The following KIN variants were observed in gnomAD, a reference collection of about 807,000 sequenced individuals.
KIN encodes the protein Kin17 DNA and RNA binding protein, also known as DNA/RNA-binding protein KIN17.
In KIN, 47 loss-of-function variants were observed where a neutral mutation model predicts 63.0. That is an observed-to-expected ratio of 0.75 (90% CI 0.59 to 0.95). The LOEUF (loss-of-function observed/expected upper bound fraction) is 0.95. Ranked by LOEUF, KIN falls within the 40% of genes least tolerant of loss-of-function variation. The pLI, the probability that KIN is intolerant of heterozygous loss-of-function variation, is 0.00. For synonymous variants in KIN, 160 were observed against 157.7 expected, an observed-to-expected ratio of 1.01 and a Z score of -0.11; for missense variants, 408 against 460.9, an observed-to-expected ratio of 0.89 and a Z score of 1.05.
At chr10:7,781,750 C>CAA (rs34969604) in intron 2 of KIN, among the ~76,000 whole-genome samples, 7,864 of 67,802 alleles carry the variant, frequency 0.12, 593 homozygotes, top group East Asian at 0.19. Context: ...AAGACCCTGT[C>CAA]AAAAAAAAAA....
intron 11 of KIN, chr10:7,761,409 G>C (rs938532186): frequency 2.0e-5 from 3 of 152,266 alleles, no homozygotes; most frequent in East Asian, 3.9e-4. Context: ...AGTAGTGTTT[G>C]TACTCAGATA....
Position 7,764,873 on chromosome 10 carries a change from C to T in KIN, c.850-1082G>A, listed in dbSNP as rs796837443. ...CCTTTCTGAGTTTAAAAACTAGGCA[C>T]AGTGGGCCGGGCGCGGTGGCTCACG... On this transcript the variant is annotated intron_variant, in intron 9 of 12. Transcript: ENST00000379562. Among the ~76,000 whole-genome samples, 7 of 152,246 alleles carry T rather than the reference C, an allele frequency of 4.6e-5. 1 individual carries two copies. Among genetic ancestry groups the T allele is most frequent in the African/African-American group, 1.7e-4 (7 of 41,562 alleles).
At position 7,755,881 on chromosome 10, in the gene KIN, A is replaced by T. The variant is rs1251675971; in HGVS notation, c.*199T>A. On this transcript the variant is annotated 3_prime_UTR_variant, in exon 13 of 13. Transcript: ENST00000379562. Reference sequence around the variant, plus strand: ...AAGGAAACAAAAATAACAAGGACAAAATTACATAGTTTGATACCTCATGAG... The same window carrying T: ...AAGGAAACAAAAATAACAAGGACAATATTACATAGTTTGATACCTCATGAG... 1 of 390,604 alleles carries T rather than the reference A, an allele frequency of 2.6e-6. No individual in the cohort carries two copies. The highest frequency in any genetic ancestry group is 4.4e-5 in the Admixed American group (1 of 22,556). The allele number at this position is 390,604 out of a possible 1,614,324, so 24.2% of individuals were successfully genotyped here.
rs1450342917 is a variant in KIN, at chr10:7,775,790, T to C, written c.568A>G (p.Thr190Ala). Residue 190 changes from threonine (T) to alanine (A), a missense_variant, in exon 6 of 13, where the codon ACT (threonine) becomes GCT (alanine). Thr to Ala is a moderately conservative substitution (Grantham distance 58). Coordinates refer to ENST00000379562, the MANE Select transcript of KIN (RefSeq NM_012311.4). ...TTTTCTCTGCTTAATTCCGTAAAAG[T>C]AGGGACCTCCTAAAAAAAAGAAAGT... ...GLEGKEQEVP[T>A]FTELSRENDE... 1 of 1,551,330 alleles carries C rather than the reference T, an allele frequency of 6.4e-7. No individual in the cohort carries two copies.
intron 10 of KIN, among the ~76,000 whole-genome samples, chr10:7,763,391 C>T (rs1383814000): frequency 1.3e-5 from 2 of 152,184 alleles, no homozygotes; most frequent in African/African-American, 4.8e-5. Context: ...GTTTTTGCCA[C>T]TACTTTTAAT....
intron 10 of KIN, 57 bp downstream of exon 10, chr10:7,763,666 T>A: frequency 1.1e-6 from 1 of 916,390 alleles, no homozygotes; most frequent in Non-Finnish European, 1.7e-6. Flanking sequence ...CCAAAATAGC[T>A]TCACTCAGTG....
intron 1 of KIN, among the ~76,000 whole-genome samples, chr10:7,783,922 A>T (rs922269355): frequency 4.6e-5 from 7 of 152,074 alleles, no homozygotes; most frequent in African/African-American, 1.7e-4. Flanking sequence ...CCCTCTGATC[A>T]ATCTCACTGA....
In KIN at chr10:7,755,977, T is replaced by A; in HGVS notation, c.*103A>T. 1.6e-6 allele frequency: 1 copy of A among 611,560 alleles called. No homozygotes were observed. Among genetic ancestry groups the A allele is most frequent in the Non-Finnish European group, 2.8e-6 (1 of 355,240 alleles). The allele number at this position is 611,560 out of a possible 1,614,324, so 37.9% of individuals were successfully genotyped here. A position where few individuals can be genotyped will look rare whatever the true frequency, so the allele number is the denominator to read the frequency against. Reference sequence around the variant, plus strand: ...AATATTTTCAAAAACCTGTTTGTTTTATACAAAAGAATATACCCTAACACA... The same window carrying A: ...AATATTTTCAAAAACCTGTTTGTTTAATACAAAAGAATATACCCTAACACA... On this transcript the variant is annotated 3_prime_UTR_variant, in exon 13 of 13. Transcript: ENST00000379562.
chr10:7,768,803 G>A (rs1174616765), intron 8 of KIN, among the ~76,000 whole-genome samples: 1 of 152,058 alleles, frequency 6.6e-6, no homozygotes, highest in Admixed American at 6.5e-5. Flanking sequence ...GATGACTTGA[G>A]GTCAGGAGTT....
intron 10 of KIN, 29 bp downstream of exon 10, chr10:7,763,694 A>T: frequency 2.3e-6 from 3 of 1,306,540 alleles, no homozygotes; most frequent in Non-Finnish European, 3.2e-6. Context: ...CTTTTTTCAC[A>T]AATTCCATTC....
rs7904018 is a variant in KIN at position 7,752,331 on chromosome 10, A to T, written c.*3749T>A. On this transcript the variant is annotated 3_prime_UTR_variant, in exon 13 of 13. Coordinates refer to ENST00000379562, the MANE Select transcript of KIN (RefSeq NM_012311.4). ...ATAAGCCCATGAAAAGATGCTCCAC[A>T]TCATACTTCATCAAAGAAATGCAAA... 1 of 152,030 alleles carries T rather than the reference A, an allele frequency of 6.6e-6. No individual in the cohort carries two copies. Among genetic ancestry groups the T allele is most frequent in the Non-Finnish European group, 1.5e-5 (1 of 68,012 alleles). 9.4% of individuals were successfully genotyped at this position (152,030 alleles called of 1,614,324 possible). A position where few individuals can be genotyped will look rare whatever the true frequency, so the allele number is the denominator to read the frequency against.
intron 9 of KIN, among the ~76,000 whole-genome samples, chr10:7,764,724 A>AT (rs1241099182): frequency 6.6e-6 from 1 of 152,220 alleles, no homozygotes; most frequent in African/African-American, 2.4e-5. Flanking sequence ...CAATTTAGTC[A>AT]TACTATTTTC....
intron 10 of KIN, among the ~76,000 whole-genome samples, chr10:7,763,147 T>C (rs1333428592): frequency 6.6e-6 from 1 of 152,090 alleles, no homozygotes; most frequent in African/African-American, 2.4e-5. Flanking sequence ...TCCCAGCTAC[T>C]CGGGAGGCTG....
intron 7 of KIN, 129 bp from the exon 8 acceptor site, chr10:7,769,474 G>A (rs1835623832): frequency 8.9e-6 from 8 of 902,596 alleles, no homozygotes; most frequent in Non-Finnish European, 1.2e-5. Context: ...GAAAACCATG[G>A]AGTCCCTGTC....
chr10:7,769,436 G>A (rs1835622698), intron 7 of KIN, 91 bp from the exon 8 acceptor site: 1 of 1,304,026 alleles, frequency 7.7e-7, no homozygotes, highest in Non-Finnish European at 1.1e-6. Flanking sequence ...GAATAAATGT[G>A]TGACATAGTA....
At chr10:7,779,126 G>C in intron 4 of KIN, 107 bp from the exon 5 acceptor site, 1 of 1,319,752 alleles carries the variant, frequency 7.6e-7, no homozygotes, top group Non-Finnish European at 1.0e-6. Flanking sequence ...ACACAAATCA[G>C]GCCGAGCGCA....
At chr10:7,786,667 G>C (rs1432708886) in intron 1 of KIN, among the ~76,000 whole-genome samples, 1 of 152,042 alleles carries the variant, frequency 6.6e-6, no homozygotes, top group Non-Finnish European at 1.5e-5. Context: ...GATAGAGGCA[G>C]TTTCGCAAAC....
chr10:7,775,720 TA>T, intron 6 of KIN, 30 bp downstream of exon 6: 3 of 1,289,372 alleles, frequency 2.3e-6, no homozygotes, highest in South Asian at 1.3e-5. Flanking sequence ...CATCTATGTT[TA>T]AAAAAAGAAA....
At chr10:7,767,327 CCTCCTTGGCA>C (rs1317199282) in intron 8 of KIN, among the ~76,000 whole-genome samples, 14 of 152,230 alleles carry the variant, frequency 9.2e-5, no homozygotes, top group Non-Finnish European at 2.9e-5. Flanking sequence ...TACCCTCATA[CCTCCTTGGCA>C]CTCAGCATTT....
Sources: allele counts gnomAD v4.1 joint callset (sites outside exome capture counted in the v4.1 genomes callset), GRCh38; gene constraint gnomAD v4.1.1; transcripts MANE v1.5; gene names NCBI Gene and HGNC (gene_info 2026-07-23, HGNC 2026-07-21).